Variants in PDE4DIP observed in about 807,000 individuals in gnomAD.
PDE4DIP encodes the protein myomegalin.
A neutral mutation model predicts 221.4 loss-of-function variants in PDE4DIP; 59 were observed. That is an observed-to-expected ratio of 0.27 (90% confidence interval 0.22 to 0.33). PDE4DIP has a LOEUF of 0.33. Ranked by LOEUF, PDE4DIP falls within the 10% of genes least tolerant of loss-of-function variation. PDE4DIP has a pLI of 1.00. For missense variants in PDE4DIP, 1,036 were observed against 2,154.2 expected, an observed-to-expected ratio of 0.48 and a Z score of 10.28; for synonymous variants, 404 against 815.9, an observed-to-expected ratio of 0.50 and a Z score of 8.60.
At position 148,893,117 on chromosome 1, in the gene PDE4DIP, T is replaced by G. The variant is rs1383315840; in HGVS notation, c.141+3223T>G. On this transcript the variant is annotated intron_variant, in intron 1 of 43. Transcript: ENST00000369354. ...TGTGTGTGTGTATGTATTTTTTTTTTTTTTTTTTTGGCAGAGATTGAGGTC... is the reference window on the plus strand; with the variant it reads ...TGTGTGTGTGTATGTATTTTTTTTTGTTTTTTTTTGGCAGAGATTGAGGTC... Among the ~76,000 whole-genome samples the G allele has an allele frequency of 2.1e-5, 3 of 142,014 alleles. No homozygotes were observed. In the East Asian group the frequency reaches 6.4e-4, roughly 30 times the overall value. 93.2% of individuals were successfully genotyped at this position (142,014 alleles called of 152,430 possible).
chr1:149,019,876 G>A (rs1406029287), intron 35 of PDE4DIP, among the ~76,000 whole-genome samples: 3 of 152,048 alleles, frequency 2.0e-5, no homozygotes, highest in East Asian at 3.9e-4. Context: ...CGATATGTGA[G>A]CACTTGGAAA....
intron 4 of PDE4DIP, among the ~76,000 whole-genome samples, chr1:148,934,706 C>T (rs868912951): frequency 3.9e-5 from 6 of 151,934 alleles, no homozygotes; most frequent in South Asian, 2.1e-4. Context: ...CAGGTTCAAC[C>T]GATTTTCCTG....
intron 20 of PDE4DIP, 95 bp from the exon 24 acceptor site, chr1:148,981,175 G>A (rs1486581017): frequency 8.8e-7 from 1 of 1,130,876 alleles, no homozygotes; most frequent in Non-Finnish European, 1.3e-6. Context: ...AAGTCGTGTG[G>A]CTCAAAGTGG....
rs1479645200 is a variant in PDE4DIP at position 149,018,433 on chromosome 1, GC to G, written c.5651-107del. Reference sequence around the variant, plus strand: ...CCCCCCACGCTTCATTCAGGGCCAGGCCTTCAGTCCTTGGGGTTTTCTGCTG... The same window carrying G: ...CCCCCCACGCTTCATTCAGGGCCAGGCTTCAGTCCTTGGGGTTTTCTGCTG... On this transcript the variant is annotated intron_variant, in intron 34 of 43. Coordinates refer to ENST00000369354, the Ensembl canonical transcript of PDE4DIP. The G allele has an allele frequency of 6.2e-6, 3 of 487,590 alleles. No individual in the cohort carries two copies. In the Admixed American group the frequency reaches 9.3e-5, roughly 15 times the overall value. The allele number at this position is 487,590 out of a possible 1,614,324, so 30.2% of individuals were successfully genotyped here.
At chr1:148,922,492 T>TTGCAG (rs1302886703) in intron 1 of PDE4DIP, among the ~76,000 whole-genome samples, 12 of 124,650 alleles carry the variant, frequency 9.6e-5, no homozygotes, top group Admixed American at 3.2e-4. Flanking sequence ...GAGGCAGAGC[T>TTGCAG]TGCAGTGAGC....
At chr1:149,010,201 A>G (rs2068179070) in intron 30 of PDE4DIP, among the ~76,000 whole-genome samples, 1 of 152,052 alleles carries the variant, frequency 6.6e-6, no homozygotes, top group Non-Finnish European at 1.5e-5. Flanking sequence ...GTCTTGCCTG[A>G]TATTTTTGGA....
At chr1:148,948,645 A>G (rs1440719399) in intron 5 of PDE4DIP, among the ~76,000 whole-genome samples, 1 of 151,378 alleles carries the variant, frequency 6.6e-6, no homozygotes. Context: ...TTTGAGGGAA[A>G]CACATAGTTT....
chr1:148,879,219 TTTTA>T (rs1553421954), intron 3 of PDE4DIP, among the ~76,000 whole-genome samples: 1 of 88,204 alleles, frequency 1.1e-5, no homozygotes, highest in East Asian at 2.5e-4. Flanking sequence ...TAAAACTTTA[TTTTA>T]TTTATTTATT....
At chr1:148,859,830 ATGTGTG>A (rs4068415) in intron 1 of PDE4DIP, among the ~76,000 whole-genome samples, 2 of 105,150 alleles carry the variant, frequency 1.9e-5, no homozygotes, top group Admixed American at 8.9e-5. Flanking sequence ...GTGTGTGTGT[ATGTGTG>A]TGTGTGTGTG....
chr1:149,022,887 T>C (rs1273599649), intron 37 of PDE4DIP, among the ~76,000 whole-genome samples: 1 of 151,834 alleles, frequency 6.6e-6, no homozygotes, highest in Non-Finnish European at 1.5e-5. Context: ...TTCTGGCACA[T>C]TAAGAGATGA....
At chr1:148,952,065 AG>A (rs761838034) in intron 5 of PDE4DIP, 11,468 of 1,012,836 alleles carry the variant, frequency 0.011, 77 homozygotes, top group Admixed American at 0.013. Flanking sequence ...GAATGCAGGG[AG>A]GGGATTCGTC....
chr1:148,985,616 C>T (rs1553548749), intron 21 of PDE4DIP: 1 of 152,090 alleles, frequency 6.6e-6, no homozygotes, highest in African/African-American at 2.4e-5. Context: ...GAAGGGAACA[C>T]AAAACTGTGG....
chr1:148,885,584 A>AG (rs1479776073), upstream of PDE4DIP, among the ~76,000 whole-genome samples: 23 of 114,694 alleles, frequency 2.0e-4, no homozygotes, highest in Non-Finnish European at 3.5e-4. Flanking sequence ...ATGGGAAGCC[A>AG]GGGGGCTCTC....
chr1:148,970,174 T>C (rs1299438493), intron 14 of PDE4DIP, among the ~76,000 whole-genome samples: 2 of 149,134 alleles, frequency 1.3e-5, no homozygotes, highest in East Asian at 3.9e-4. Flanking sequence ...CCCATAATAT[T>C]TTCTTATGTT....
chr1:148,924,613 G>A (rs1288018275), intron 1 of PDE4DIP, among the ~76,000 whole-genome samples: 3 of 149,330 alleles, frequency 2.0e-5, no homozygotes, highest in Admixed American at 6.7e-5. Context: ...CTGGGGAGAA[G>A]GAAGAAATAC....
At position 148,952,447 on chromosome 1, in the gene PDE4DIP, G is replaced by A. The variant is rs868933651; in HGVS notation, c.637-8207G>A. On this transcript the variant is annotated intron_variant, in intron 5 of 43. Coordinates refer to ENST00000369354, the Ensembl canonical transcript of PDE4DIP. The stretch of plus-strand genomic sequence containing the variant: ...TCCGGGAGCCCAGTCTGCTAAAAGG[G>A]GAGGACGTTGAGGACGCGGCGGCTG... 847 of 1,095,230 alleles carry A rather than the reference G, an allele frequency of 7.7e-4. 10 individuals carry two copies. The highest frequency in any genetic ancestry group is 3.5e-3 in the Middle Eastern group (9 of 2,544). The allele number at this position is 1,095,230 out of a possible 1,614,324, so 67.8% of individuals were successfully genotyped here.
intron 1 of PDE4DIP, among the ~76,000 whole-genome samples, chr1:148,814,620 C>T (rs375667326): frequency 3.0e-4 from 3 of 10,092 alleles, no homozygotes; most frequent in African/African-American, 6.0e-4. Context: ...AAATCAACTT[C>T]ATTTGGTCTT....
chr1:148,820,084 A>C, intron 1 of PDE4DIP, among the ~76,000 whole-genome samples: 1 of 38,326 alleles, frequency 2.6e-5, no homozygotes, highest in Non-Finnish European at 4.6e-5. Context: ...CCGCCACCAC[A>C]CCCGGCTAAT....
In PDE4DIP at chr1:148,960,750, C is replaced by T; in HGVS notation, c.733C>T (p.Gln245Ter). 1.9e-6 allele frequency: 1 copy of T among 537,834 alleles called. No homozygotes were observed. The highest frequency in any genetic ancestry group is 3.2e-6 in the Non-Finnish European group (1 of 311,226). The allele number at this position is 537,834 out of a possible 1,614,324, so 33.3% of individuals were successfully genotyped here. A position where few individuals can be genotyped will look rare whatever the true frequency, so the allele number is the denominator to read the frequency against. ...ATCTGATTCCCACTTGGCAGAACTCCAGGAAAAAATCCAGCAAACAGAGGC... is the reference window on the plus strand; with the variant it reads ...ATCTGATTCCCACTTGGCAGAACTCTAGGAAAAAATCCAGCAAACAGAGGC... Residue 245 changes from glutamine to a stop codon, truncating the protein, a stop_gained, in exon 6 of 44, where the codon CAG (glutamine) becomes TAG (stop). Transcript: ENST00000369354. LOFTEE classifies it high-confidence loss of function.
Sources: allele counts gnomAD v4.1 joint callset (sites outside exome capture counted in the v4.1 genomes callset), GRCh38; gene constraint gnomAD v4.1.1; transcripts MANE v1.5; gene names NCBI Gene and HGNC (gene_info 2026-07-23, HGNC 2026-07-21).